GNL3L: variants seen among roughly 807,000 people sequenced by gnomAD.
GNL3L encodes the protein G protein nucleolar 3 like.
Under a neutral mutation model 42.9 loss-of-function variants are expected in GNL3L, and 4 were observed. That is an observed-to-expected ratio of 0.09 (90% CI 0.05 to 0.21). The LOEUF is 0.21. GNL3L is among the 10% of genes least tolerant of loss of function. The pLI, the probability that GNL3L is intolerant of heterozygous loss-of-function variation, is 1.00. For synonymous variants in GNL3L, 159 were observed against 176.3 expected, an observed-to-expected ratio of 0.90 and a Z score of 0.78; for missense variants, 412 against 481.7, an observed-to-expected ratio of 0.86 and a Z score of 1.36.
the GNL3L span, among the ~76,000 whole-genome samples, chrX:54,631,201 G>A: frequency 3.6e-5 from 4 of 111,574 alleles, no homozygotes; most frequent in Non-Finnish European, 7.5e-5. Context: ...AATAGAATGT[G>A]TATTCTAAAG....
intron 16 of GNL3L, among the ~76,000 whole-genome samples, chrX:54,593,148 T>G (rs1338031656): frequency 8.9e-6 from 1 of 111,906 alleles, no homozygotes; most frequent in Non-Finnish European, 1.9e-5. Context: ...AGAATGAGTT[T>G]GGAAGTATTT....
Position 54,566,340 on chromosome X carries a change from A to G in GNL3L, c.*5738A>G. ...ATTTTCTTTATCCAGTCTTTCGTTG[A>G]TAGACATTTAGGTCGATTCCATGTC... On this transcript the variant is annotated 3_prime_UTR_variant, in exon 16 of 16. Transcript: ENST00000360845. Among the ~76,000 whole-genome samples, 1 of 111,970 alleles carries G rather than the reference A, an allele frequency of 8.9e-6. No homozygotes were observed. Among genetic ancestry groups the G allele is most frequent in the South Asian group, 3.7e-4 (1 of 2,706 alleles).
At chrX:54,531,938 C>T (rs1345698630) in intron 1 of GNL3L, among the ~76,000 whole-genome samples, 1 of 110,187 alleles carries the variant, frequency 9.1e-6, no homozygotes, top group Non-Finnish European at 1.9e-5. Flanking sequence ...TTACCCCCTC[C>T]TCCAAGATTT....
intron 10 of GNL3L, among the ~76,000 whole-genome samples, 180 bp downstream of exon 10, chrX:54,551,230 C>T (rs998642440): frequency 9.8e-5 from 11 of 112,608 alleles, no homozygotes; most frequent in African/African-American, 3.5e-4. Context: ...GCCAGGTCCC[C>T]ACATGGGTGG....
downstream of GNL3L, among the ~76,000 whole-genome samples, chrX:54,624,373 A>G (rs1279052784): frequency 1.8e-5 from 2 of 109,330 alleles, no homozygotes; most frequent in African/African-American, 6.7e-5. Flanking sequence ...TTTTCTCACA[A>G]TTCTTGAGGC....
chrX:54,606,478 TTC>T (rs1245825300), intron 16 of GNL3L, among the ~76,000 whole-genome samples: 6 of 110,306 alleles, frequency 5.4e-5, no homozygotes, highest in South Asian at 3.9e-4. Context: ...GAGAGAAATG[TTC>T]TCTCTCTCTT....
the GNL3L span, among the ~76,000 whole-genome samples, chrX:54,627,679 T>G: frequency 8.9e-6 from 1 of 111,778 alleles, no homozygotes; most frequent in Non-Finnish European, 1.9e-5. Context: ...TTTTGCTCTA[T>G]CCCATAAGTT....
intron 16 of GNL3L, among the ~76,000 whole-genome samples, chrX:54,575,411 G>T (rs890350967): frequency 1.9e-5 from 2 of 106,510 alleles, no homozygotes; most frequent in Non-Finnish European, 3.8e-5. Context: ...TTGGATGAAT[G>T]CACCTTCTAT....
At chrX:54,617,567 G>T (rs776478695) in intron 16 of GNL3L, among the ~76,000 whole-genome samples, 1 of 112,067 alleles carries the variant, frequency 8.9e-6, no homozygotes, top group South Asian at 3.7e-4. Context: ...TTCTCTGGTT[G>T]CTGGGGTCTG....
intron 16 of GNL3L, among the ~76,000 whole-genome samples, chrX:54,597,505 G>C (rs1189819973): frequency 9.9e-5 from 11 of 111,147 alleles, no homozygotes; most frequent in Non-Finnish European, 1.7e-4. Context: ...GCAGCCTGGG[G>C]TGAGGGGAGG....
intron 16 of GNL3L, among the ~76,000 whole-genome samples, chrX:54,588,377 A>C (rs767061471): frequency 8.9e-6 from 1 of 112,500 alleles, no homozygotes; most frequent in South Asian, 3.6e-4. Flanking sequence ...AATTAAGAAA[A>C]TATCCATCTA....
At chrX:54,554,402 A>T (rs1344371258) in intron 13 of GNL3L, among the ~76,000 whole-genome samples, 163 bp from the exon 14 acceptor site, 1 of 111,435 alleles carries the variant, frequency 9.0e-6, no homozygotes, top group Non-Finnish European at 1.9e-5. Flanking sequence ...TGCAAAACCC[A>T]TGCTTTTAAT....
At chrX:54,571,188 A>G (rs925718833), downstream of GNL3L, among the ~76,000 whole-genome samples, 4 of 95,437 alleles carry the variant, frequency 4.2e-5, no homozygotes, top group African/African-American at 1.8e-4. Context: ...CTAAGATGTC[A>G]TCCTAATTTT....
At chrX:54,590,056 C>T (rs899698421) in intron 16 of GNL3L, among the ~76,000 whole-genome samples, 3 of 110,762 alleles carry the variant, frequency 2.7e-5, no homozygotes, top group African/African-American at 9.9e-5. Context: ...TCTCCTGCCT[C>T]AGCCTCCCGA....
chrX:54,607,885 A>G (rs1019815103), intron 16 of GNL3L, among the ~76,000 whole-genome samples: 5 of 112,092 alleles, frequency 4.5e-5, no homozygotes, highest in Non-Finnish European at 9.4e-5. Flanking sequence ...ATGAATAAAT[A>G]AAATTGTGGT....
At chrX:54,539,923 C>T (rs779102326) in intron 3 of GNL3L, among the ~76,000 whole-genome samples, 9 of 111,622 alleles carry the variant, frequency 8.1e-5, no homozygotes, top group African/African-American at 2.9e-4. Context: ...TTGCTTCTCT[C>T]CTTTCTTTGT....
downstream of GNL3L, among the ~76,000 whole-genome samples, chrX:54,570,831 T>C (rs1397257061): frequency 8.9e-6 from 1 of 111,786 alleles, no homozygotes; most frequent in Non-Finnish European, 1.9e-5. Context: ...TTAAAATACA[T>C]TGTTGTTATT....
chrX:54,591,554 C>G (rs1322037312), intron 16 of GNL3L, among the ~76,000 whole-genome samples: 1 of 105,832 alleles, frequency 9.4e-6, no homozygotes, highest in African/African-American at 3.5e-5. Context: ...GATCACACCA[C>G]TGCACTCCAG....
At chrX:54,546,044 G>A (rs1485523306) in intron 8 of GNL3L, among the ~76,000 whole-genome samples, 2 of 111,435 alleles carry the variant, frequency 1.8e-5, no homozygotes, top group Non-Finnish European at 3.8e-5. Context: ...TTGTAGAGAT[G>A]GGGGGAGGGT....
Sources: allele counts gnomAD v4.1 joint callset (sites outside exome capture counted in the v4.1 genomes callset), GRCh38; gene constraint gnomAD v4.1.1; transcripts MANE v1.5; gene names NCBI Gene and HGNC (gene_info 2026-07-23, HGNC 2026-07-21).